Variants in CES1 observed in about 807,000 individuals in gnomAD.
CES1 encodes the protein liver carboxylesterase 1.
Under a neutral mutation model 53.0 loss-of-function variants are expected in CES1, and 50 were observed. The observed-to-expected ratio is 0.94, with a 90% CI of 0.75 to 1.19. The LOEUF (loss-of-function observed/expected upper bound fraction) is 1.19, where lower values mean the gene tolerates loss of function less well. Among genes scored for constraint, CES1 ranks in the 50% most tolerant of loss-of-function variants. The pLI is 0.00. For missense variants in CES1, 534 were observed against 538.0 expected, an observed-to-expected ratio of 0.99 and a Z score of 0.07; for synonymous variants, 202 against 210.1, an observed-to-expected ratio of 0.96 and a Z score of 0.33.
At chr16:55,830,781 G>GGAAGGAAA (rs2032614616) in intron 1 of CES1, among the ~76,000 whole-genome samples, 3 of 112,796 alleles carry the variant, frequency 2.7e-5, no homozygotes, top group Non-Finnish European at 5.9e-5. Context: ...AAAGAAGGAA[G>GGAAGGAAA]GAAGGAAGGA....
chr16:55,818,896 A>G (rs1343600761), intron 7 of CES1, among the ~76,000 whole-genome samples: 3 of 152,192 alleles, frequency 2.0e-5, no homozygotes, highest in Non-Finnish European at 2.9e-5. Context: ...GAGTTGAGAT[A>G]TAAGGTGGCT....
chr16:55,828,465 A>C (rs1227113727), intron 2 of CES1, among the ~76,000 whole-genome samples: 2 of 152,124 alleles, frequency 1.3e-5, no homozygotes, highest in African/African-American at 4.8e-5. Context: ...CCACGGAGTA[A>C]TTTGCATATT....
At chr16:55,823,938 G>A (rs1408279164) in intron 3 of CES1, among the ~76,000 whole-genome samples, 3 of 152,218 alleles carry the variant, frequency 2.0e-5, no homozygotes, top group Admixed American at 1.3e-4. Flanking sequence ...CCTCCTCCCC[G>A]AAAGGCTCTT....
chr16:55,826,051 C>A lies in CES1; in HGVS notation c.405+100G>T, dbSNP rs1214244934. The stretch of plus-strand genomic sequence containing the variant: ...GTCTCTGAAACAATCCTGGCCTGTG[C>A]AGCTCCCTCCCCAAGCTGCCTTCAC... On this transcript the variant is annotated intron_variant, in intron 3 of 13. Transcript: ENST00000360526. 4 of 1,466,768 alleles carry A rather than the reference C, an allele frequency of 2.7e-6. No homozygotes were observed. The African/African-American group carries it at 5.6e-5, about 21-fold the overall frequency. 90.9% of individuals were successfully genotyped at this position (1,466,768 alleles called of 1,614,324 possible).
At chr16:55,822,116 G>A (rs1296712775) in intron 4 of CES1, among the ~76,000 whole-genome samples, 2 of 152,248 alleles carry the variant, frequency 1.3e-5, no homozygotes, top group African/African-American at 4.8e-5. Context: ...TGTGAGTCAG[G>A]AGGTGCAGCT....
intron 11 of CES1, among the ~76,000 whole-genome samples, chr16:55,808,822 A>C (rs1233392187): frequency 6.6e-6 from 1 of 152,166 alleles, no homozygotes; most frequent in African/African-American, 2.4e-5. Context: ...GAAAATCCTC[A>C]CAACATAGTG....
At chr16:55,818,354 G>A (rs1483589942) in intron 7 of CES1, among the ~76,000 whole-genome samples, 37 of 152,200 alleles carry the variant, frequency 2.4e-4, no homozygotes, top group Admixed American at 5.9e-4. Context: ...TAGACCCGCA[G>A]GTGTCGGTTC....
At chr16:55,815,725 T>C (rs372222425) in intron 8 of CES1, among the ~76,000 whole-genome samples, 4,102 of 149,796 alleles carry the variant, frequency 0.027, 204 homozygotes, top group African/African-American at 0.096. Context: ...GCCTGGATTA[T>C]GGCAATGCAG....
intron 1 of CES1, among the ~76,000 whole-genome samples, chr16:55,830,885 A>G (rs2032637625): frequency 6.6e-6 from 1 of 151,894 alleles, no homozygotes; most frequent in Non-Finnish European, 1.5e-5. Context: ...AAAAGAAAGG[A>G]AAAGAAAAGA....
intron 5 of CES1, among the ~76,000 whole-genome samples, chr16:55,820,734 C>A (rs1435854862): frequency 7.9e-5 from 12 of 152,054 alleles, no homozygotes; most frequent in African/African-American, 2.7e-4. Flanking sequence ...CCCCTCACAC[C>A]CAAGGTTGTG....
In CES1 at chr16:55,819,685, T is replaced by C. The variant is rs1555512714; in HGVS notation, c.802-46A>G. ...AACAGAGTTCAAGAGCGACATCCCT[T>C]CCCTCCATCAAAGAGGAAAGTGGCA... On this transcript the variant is annotated intron_variant, in intron 6 of 13. Transcript: ENST00000360526. The C allele has an allele frequency of 1.8e-5, 26 of 1,479,978 alleles. No individual in the cohort carries two copies. The South Asian group carries it at 2.9e-4, about 17-fold the overall frequency. 91.7% of individuals were successfully genotyped at this position (1,479,978 alleles called of 1,614,324 possible).
chr16:55,821,725 C>G (rs1270670765), intron 4 of CES1, among the ~76,000 whole-genome samples: 1 of 152,216 alleles, frequency 6.6e-6, no homozygotes, highest in Non-Finnish European at 1.5e-5. Flanking sequence ...TACTGAGCAT[C>G]TACTGTATGC....
At chr16:55,827,632 A>T (rs1332557754) in intron 2 of CES1, among the ~76,000 whole-genome samples, 2 of 152,214 alleles carry the variant, frequency 1.3e-5, no homozygotes, top group Non-Finnish European at 2.9e-5. Context: ...TTATATTATT[A>T]AAAACATCAT....
chr16:55,815,383 T>C (rs2031894435), intron 8 of CES1, among the ~76,000 whole-genome samples: 1 of 152,044 alleles, frequency 6.6e-6, no homozygotes. Flanking sequence ...CCATGAGACA[T>C]GGAAATGGGG....
At chr16:55,816,819 G>A (rs76336259) in intron 8 of CES1, 105 bp downstream of exon 8, 66,439 of 1,334,804 alleles carry the variant, frequency 0.05, 1,913 homozygotes, top group Middle Eastern at 0.085. Context: ...CAAACACGCA[G>A]GAGTTACTAT....
chr16:55,816,932 G>C lies in CES1; in HGVS notation c.937C>G (p.Pro313Ala), dbSNP rs754896838. ...AAACAAAAGGTCCTTACCTCTCTGG[G>C]GTCTCCCTGTAAGTCCAGAGATAAG... Reference protein sequence around the residue: ...KFLSLDLQGDPRESQPLLGTV... With the variant: ...KFLSLDLQGDARESQPLLGTV... Residue 313 changes from proline (P) to alanine (A), a missense_variant, in exon 8 of 14, where the codon CCC (proline) becomes GCC (alanine). Coordinates refer to ENST00000360526, the MANE Select transcript of CES1 (RefSeq NM_001025195.2). 3.1e-6 allele frequency: 5 copies of C among 1,613,820 alleles called. No individual in the cohort carries two copies. The South Asian group carries it at 4.4e-5, about 14-fold the overall frequency.
rs1417594237 is a variant in CES1 at position 55,820,631 on chromosome 16, G to A, written c.694-152C>T. On this transcript the variant is annotated intron_variant, in intron 5 of 13. Transcript: ENST00000360526. ...GACCCTCTGCCCACCTCAAGGAGGT[G>A]GAAGTCTTCCTACAGCTCCCAGCAC... 7.4e-6 allele frequency: 10 copies of A among 1,348,442 alleles called. No homozygotes were observed. The African/African-American group carries it at 1.0e-4, about 14-fold the overall frequency. 83.5% of individuals were successfully genotyped at this position (1,348,442 alleles called of 1,614,324 possible). A position where few individuals can be genotyped will look rare whatever the true frequency, so the allele number is the denominator to read the frequency against.
intron 4 of CES1, among the ~76,000 whole-genome samples, chr16:55,822,761 G>A (rs1349216559): frequency 1.3e-5 from 2 of 152,074 alleles, no homozygotes; most frequent in African/African-American, 4.8e-5. Context: ...GGCTGGGAAG[G>A]AAGCATGTCA....
At chr16:55,826,125 C>T (rs1348758830) in intron 3 of CES1, 26 bp downstream of exon 3, 2 of 1,613,856 alleles carry the variant, frequency 1.2e-6, no homozygotes, top group African/African-American at 1.3e-5. Context: ...ACTGACACGC[C>T]TTGACCAGGG....
Sources: gnomAD v4.1 joint callset for allele counts (sites outside exome capture counted in the v4.1 genomes callset) on GRCh38, gnomAD v4.1.1 for gene constraint, MANE v1.5 for transcripts, NCBI Gene and HGNC (gene_info 2026-07-23, HGNC 2026-07-21) for gene names.